The following ENTREP1 variants were observed in gnomAD, a reference collection of about 807,000 sequenced individuals.
ENTREP1 encodes endosomal transmembrane epsin interactor 1.
At chr9:69,380,187 G>C in the ENTREP1 span, 1 of 152,158 alleles carries the variant, frequency 6.6e-6, no homozygotes, top group Admixed American at 6.5e-5. Context: ...CTTTATTTTT[G>C]GAAATTTTAC....
the ENTREP1 span, among the ~76,000 whole-genome samples, chr9:69,334,372 A>G: frequency 2.6e-5 from 4 of 152,220 alleles, no homozygotes; most frequent in Non-Finnish European, 4.4e-5. Flanking sequence ...GATCCTTGAT[A>G]TAAGTGGGTA....
the ENTREP1 span, among the ~76,000 whole-genome samples, chr9:69,349,400 T>C: frequency 1.3e-5 from 2 of 152,234 alleles, no homozygotes; most frequent in South Asian, 4.1e-4. Flanking sequence ...CCACCAGCAG[T>C]GTTTGAAGGT....
chr9:69,382,167 T>TAG, the ENTREP1 span: 1 of 152,298 alleles, frequency 6.6e-6, no homozygotes, highest in African/African-American at 2.4e-5. Context: ...CTGGAGAGGA[T>TAG]AGAAGTCCAT....
At chr9:69,374,090 T>C in the ENTREP1 span, among the ~76,000 whole-genome samples, 1 of 152,198 alleles carries the variant, frequency 6.6e-6, no homozygotes, top group South Asian at 2.1e-4. Flanking sequence ...TCCTTGAACT[T>C]CATGTAGATG....
the ENTREP1 span, chr9:69,385,652 C>T: frequency 8.8e-5 from 112 of 1,272,580 alleles, 1 homozygote; most frequent in East Asian, 2.3e-3. Context: ...GGGCCAGCAG[C>T]CTGAGTAAAT....
the ENTREP1 span, among the ~76,000 whole-genome samples, chr9:69,339,698 A>T: frequency 1.3e-5 from 2 of 152,174 alleles, no homozygotes; most frequent in Non-Finnish European, 2.9e-5. Context: ...GGCTGATTAG[A>T]GTTCTGTCCC....
the ENTREP1 span, among the ~76,000 whole-genome samples, chr9:69,390,692 T>C: frequency 4.6e-5 from 7 of 152,204 alleles, no homozygotes; most frequent in African/African-American, 1.7e-4. Flanking sequence ...CAGGCTAAAG[T>C]GCGGTGGTGT....
the ENTREP1 span, among the ~76,000 whole-genome samples, chr9:69,330,671 TA>T: frequency 2.0e-5 from 3 of 152,230 alleles, no homozygotes; most frequent in Non-Finnish European, 4.4e-5. Flanking sequence ...CTTTAATATT[TA>T]AGGGATATTT....
the ENTREP1 span, among the ~76,000 whole-genome samples, chr9:69,329,046 C>T: frequency 6.6e-6 from 1 of 152,196 alleles, no homozygotes; most frequent in Non-Finnish European, 1.5e-5. Context: ...AGTCTCAGTA[C>T]TTCATTCCTA....
the ENTREP1 span, among the ~76,000 whole-genome samples, chr9:69,372,082 G>A: frequency 2.0e-5 from 3 of 152,180 alleles, no homozygotes; most frequent in Non-Finnish European, 2.9e-5. Flanking sequence ...GGGACAGCAG[G>A]CTGTTATCAT....
At chr9:69,391,717 G>A in the ENTREP1 span, 1 of 1,613,750 alleles carries the variant, frequency 6.2e-7, no homozygotes, top group Admixed American at 1.7e-5. Flanking sequence ...CACCAGCGGG[G>A]AGGCCCCGAG....
At chr9:69,385,779 T>A in the ENTREP1 span, 2 of 1,366,014 alleles carry the variant, frequency 1.5e-6, no homozygotes, top group South Asian at 3.4e-5. Flanking sequence ...TTTTTTTTTT[T>A]TTTTTTTTAA....
At chr9:69,383,653 C>T in the ENTREP1 span, 3 of 1,614,086 alleles carry the variant, frequency 1.9e-6, no homozygotes, top group Non-Finnish European at 2.5e-6. Flanking sequence ...GATGTTATTC[C>T]CCTGCCACAC....
At chr9:69,386,052 T>A in the ENTREP1 span, 1 of 1,099,840 alleles carries the variant, frequency 9.1e-7, no homozygotes, top group Non-Finnish European at 1.2e-6. Context: ...GCAGTTTAAG[T>A]GGTCATTTGA....
At chr9:69,353,174 G>A in the ENTREP1 span, among the ~76,000 whole-genome samples, 1 of 152,042 alleles carries the variant, frequency 6.6e-6, no homozygotes, top group South Asian at 2.1e-4. Context: ...ACACTGCACC[G>A]GGACTCCTGC....
At chr9:69,361,222 C>T in the ENTREP1 span, among the ~76,000 whole-genome samples, 2 of 152,100 alleles carry the variant, frequency 1.3e-5, no homozygotes, top group African/African-American at 4.8e-5. Context: ...TAATCATTAT[C>T]CAGATCAAGA....
At chr9:69,392,121 C>A in the ENTREP1 span, 1 of 379,986 alleles carries the variant, frequency 2.6e-6, no homozygotes, top group Non-Finnish European at 4.8e-6. Context: ...GATTCTTTGC[C>A]CACTTCACCC....
chr9:69,325,628 T>G, the ENTREP1 span: 1 of 1,230,798 alleles, frequency 8.1e-7, no homozygotes, highest in Non-Finnish European at 1.0e-6. Flanking sequence ...TCAGCTGATC[T>G]TGGGCTGCTG....
At chr9:69,367,874 T>TATATATACAC in the ENTREP1 span, among the ~76,000 whole-genome samples, 6 of 90,598 alleles carry the variant, frequency 6.6e-5, no homozygotes, top group South Asian at 3.3e-4. Context: ...TATATATAAA[T>TATATATACAC]ATATATATAC....
Sources: allele counts gnomAD v4.1 joint callset (sites outside exome capture counted in the v4.1 genomes callset), GRCh38; gene constraint gnomAD v4.1.1; transcripts MANE v1.5; gene names NCBI Gene and HGNC (gene_info 2026-07-23, HGNC 2026-07-21).